Variants in ABAT observed in about 807,000 individuals in gnomAD.
ABAT encodes 4-aminobutyrate aminotransferase.
A neutral mutation model predicts 64.6 loss-of-function variants in ABAT; 45 were observed. The ratio of observed to expected loss-of-function variants is 0.70; its 90% CI spans 0.55 to 0.89. The LOEUF is 0.89. Ranked by LOEUF, ABAT falls within the 40% of genes least tolerant of loss-of-function variation. The pLI, the probability that ABAT is intolerant of heterozygous loss-of-function variation, is 0.00. For synonymous variants in ABAT, 297 were observed against 250.5 expected (o/e 1.19, Z -1.75); for missense variants, 633 against 658.4 (o/e 0.96, Z 0.42).
intron 1 of ABAT, among the ~76,000 whole-genome samples, chr16:8,677,045 G>C (rs1567266764): frequency 6.6e-6 from 1 of 152,170 alleles, no homozygotes; most frequent in African/African-American, 2.4e-5. Context: ...CAAAGCATGA[G>C]GAGGACCACG....
chr16:8,699,395 T>C (rs1291585439), intron 1 of ABAT, among the ~76,000 whole-genome samples: 1 of 152,022 alleles, frequency 6.6e-6, no homozygotes, highest in Non-Finnish European at 1.5e-5. Flanking sequence ...GGTGAAACCC[T>C]ATCTCTACAA....
At chr16:8,753,309 A>C (rs964321618) in intron 5 of ABAT, among the ~76,000 whole-genome samples, 2 of 151,820 alleles carry the variant, frequency 1.3e-5, no homozygotes, top group Admixed American at 1.3e-4. Context: ...GTTAGCCAGG[A>C]TGGTCTCGAT....
intron 1 of ABAT, among the ~76,000 whole-genome samples, chr16:8,689,308 T>C (rs1476036959): frequency 1.3e-5 from 2 of 152,214 alleles, no homozygotes; most frequent in Non-Finnish European, 2.9e-5. Flanking sequence ...TGCATGTATG[T>C]GTTTCTATTC....
At chr16:8,678,813 G>C (rs982498373) in intron 1 of ABAT, among the ~76,000 whole-genome samples, 1 of 152,190 alleles carries the variant, frequency 6.6e-6, no homozygotes, top group African/African-American at 2.4e-5. Context: ...ACCTTGAAAG[G>C]TTCCTGAGTC....
At chr16:8,732,833 G>A (rs76969472) in intron 1 of ABAT, among the ~76,000 whole-genome samples, 104,162 of 137,350 alleles carry the variant, frequency 0.76, 39,469 homozygotes, top group Non-Finnish European at 0.82. Context: ...CGGACGGGGC[G>A]GCTGGCCGGG....
At chr16:8,755,081 C>G (rs114948250) in intron 5 of ABAT, among the ~76,000 whole-genome samples, 171 of 152,274 alleles carry the variant, frequency 1.1e-3, no homozygotes, top group African/African-American at 3.8e-3. Context: ...TCAGCACGTT[C>G]TTTCTTTCTT....
chr16:8,733,035 C>CTA (rs2058789108), intron 1 of ABAT, among the ~76,000 whole-genome samples: 2 of 145,508 alleles, frequency 1.4e-5, no homozygotes, highest in Non-Finnish European at 3.0e-5. Flanking sequence ...GCTGATCCCC[C>CTA]CACCTCCCTC....
intron 1 of ABAT, among the ~76,000 whole-genome samples, chr16:8,687,216 C>T (rs2057475001): frequency 6.6e-6 from 1 of 152,180 alleles, no homozygotes; most frequent in Admixed American, 6.5e-5. Context: ...GGAGCAGGTG[C>T]TAGTCTTGGG....
intron 1 of ABAT, among the ~76,000 whole-genome samples, chr16:8,700,713 A>T (rs1361202571): frequency 1.3e-5 from 2 of 152,078 alleles, no homozygotes; most frequent in African/African-American, 4.8e-5. Context: ...CTTCCCACTC[A>T]GCTTCCCAAG....
At chr16:8,757,366 C>G (rs11647952) in intron 5 of ABAT, 11,170 of 357,544 alleles carry the variant, frequency 0.031, 246 homozygotes, top group Non-Finnish European at 0.047. Flanking sequence ...CGGGGATTCA[C>G]CATGTTGGCC....
intron 1 of ABAT, among the ~76,000 whole-genome samples, chr16:8,730,784 AT>A (rs2058695231): frequency 6.6e-6 from 1 of 152,030 alleles, no homozygotes; most frequent in East Asian, 1.9e-4. Flanking sequence ...CTCGCAATAA[AT>A]CCATGCATTA....
intron 6 of ABAT, among the ~76,000 whole-genome samples, chr16:8,761,402 C>T (rs1231436984): frequency 2.0e-5 from 3 of 152,204 alleles, no homozygotes; most frequent in African/African-American, 7.2e-5. Flanking sequence ...CAGTCTCCTC[C>T]ACCTCAAATG....
At chr16:8,731,163 G>A (rs1325599342) in intron 1 of ABAT, among the ~76,000 whole-genome samples, 1 of 152,044 alleles carries the variant, frequency 6.6e-6, no homozygotes, top group African/African-American at 2.4e-5. Flanking sequence ...GGGTTTTACT[G>A]TGTTGGCCAT....
At chr16:8,725,120 TGGTC>T (rs2058508083) in intron 1 of ABAT, among the ~76,000 whole-genome samples, 1 of 152,164 alleles carries the variant, frequency 6.6e-6, no homozygotes, top group Non-Finnish European at 1.5e-5. Flanking sequence ...TTCTCCATGT[TGGTC>T]GGGCTGGTCT....
intron 1 of ABAT, among the ~76,000 whole-genome samples, chr16:8,707,594 G>A (rs1227214065): frequency 6.6e-6 from 1 of 152,114 alleles, no homozygotes; most frequent in Admixed American, 6.6e-5. Context: ...TTCAAGAAGT[G>A]AGAGCTAAAA....
intron 3 of ABAT, among the ~76,000 whole-genome samples, chr16:8,746,318 T>G (rs2059327364): frequency 1.3e-5 from 2 of 152,038 alleles, no homozygotes; most frequent in Admixed American, 6.5e-5. Flanking sequence ...TTTGAGAGGT[T>G]GAGGCGGGCG....
intron 5 of ABAT, among the ~76,000 whole-genome samples, chr16:8,750,906 G>T (rs1048081415): frequency 1.3e-5 from 2 of 150,720 alleles, no homozygotes; most frequent in African/African-American, 2.4e-5. Context: ...GAGTTTCCTC[G>T]AAGAAGAGCC....
rs1251252067 is a variant in ABAT, at chr16:8,675,787, C to T, written c.-42+1076C>T. ...CTCCCCCGCTCCCTGCCCCAACACA[C>T]GCACAAAGGCTGTGTTCAATGCATT... is the stretch of plus-strand genomic sequence containing the variant. On this transcript the variant is annotated intron_variant, in intron 1 of 15. Coordinates refer to ENST00000268251, the MANE Select transcript of ABAT (RefSeq NM_020686.6). 2.0e-5 allele frequency among the ~76,000 whole-genome samples: 3 copies of T among 152,296 alleles called. 1 individual carries two copies. The highest frequency in any genetic ancestry group is 4.1e-4 in the South Asian group (2 of 4,828).
chr16:8,701,732 G>A (rs183235375), intron 1 of ABAT, among the ~76,000 whole-genome samples: 5 of 152,378 alleles, frequency 3.3e-5, no homozygotes, highest in Non-Finnish European at 7.3e-5. Context: ...AGGAAGAGGT[G>A]AGGGAAGGGG....
Sources: allele counts gnomAD v4.1 joint callset (sites outside exome capture counted in the v4.1 genomes callset), GRCh38; gene constraint gnomAD v4.1.1; transcripts MANE v1.5; gene names NCBI Gene and HGNC (gene_info 2026-07-23, HGNC 2026-07-21).